The following NOL10 variants were observed in gnomAD, a reference collection of about 807,000 sequenced individuals.
NOL10 encodes nucleolar protein 10, also known as H_NH0074G24.1.
In NOL10, 58 loss-of-function variants were observed where a neutral mutation model predicts 103.5. That is an observed-to-expected ratio of 0.56 (90% confidence interval 0.45 to 0.70). The LOEUF (loss-of-function observed/expected upper bound fraction) is 0.70, where lower values mean the gene tolerates loss of function less well. Ranked by LOEUF, NOL10 falls within the 30% of genes least tolerant of loss-of-function variation. The probability of loss-of-function intolerance (pLI) is 0.00; values close to 1 mark genes in which losing one functional copy is unlikely to be tolerated. For missense variants in NOL10, 763 were observed against 807.3 expected (o/e 0.95, Z 0.67); for synonymous variants, 287 against 282.5 (o/e 1.02, Z -0.16).
intron 13 of NOL10, among the ~76,000 whole-genome samples, chr2:10,636,959 T>G (rs543770168): frequency 6.6e-6 from 1 of 152,174 alleles, no homozygotes; most frequent in East Asian, 1.9e-4. Context: ...CCTAGCACCT[T>G]GGGAGGCCCA....
intron 9 of NOL10, 112 bp downstream of exon 9, chr2:10,662,847 A>G: frequency 1.2e-6 from 1 of 824,662 alleles, no homozygotes; most frequent in Non-Finnish European, 1.9e-6. Context: ...AAAAACAATC[A>G]TGGAAAGTAC....
At chr2:10,619,515 A>G (rs891423796) in intron 13 of NOL10, among the ~76,000 whole-genome samples, 7 of 152,234 alleles carry the variant, frequency 4.6e-5, no homozygotes, top group Admixed American at 1.3e-4. Flanking sequence ...CTCATAAAAC[A>G]TATCTGTTAA....
chr2:10,681,861 GT>G, intron 3 of NOL10, 109 bp downstream of exon 3: 1 of 434,584 alleles, frequency 2.3e-6, no homozygotes, highest in Admixed American at 4.4e-5. Flanking sequence ...ATTTCTGTGT[GT>G]TTGAAATTTT....
intron 3 of NOL10, among the ~76,000 whole-genome samples, chr2:10,676,581 G>C (rs1214490102): frequency 6.6e-6 from 1 of 151,288 alleles, no homozygotes; most frequent in Non-Finnish European, 1.5e-5. Flanking sequence ...GCTGGAGAAT[G>C]ATCCATATAA....
At chr2:10,577,873 C>T in intron 19 of NOL10, 135 bp from the exon 20 acceptor site, 1 of 622,682 alleles carries the variant, frequency 1.6e-6, no homozygotes, top group Non-Finnish European at 2.9e-6. Flanking sequence ...TCATTTAACA[C>T]AATAAATGGA....
intron 19 of NOL10, among the ~76,000 whole-genome samples, chr2:10,587,180 C>CATATAT (rs1558270544): frequency 7.1e-5 from 3 of 42,460 alleles, no homozygotes; most frequent in African/African-American, 3.5e-4. Flanking sequence ...CATATATATA[C>CATATAT]ACATATATAT....
intron 8 of NOL10, among the ~76,000 whole-genome samples, chr2:10,665,333 A>C (rs1410127369): frequency 6.6e-6 from 1 of 152,242 alleles, no homozygotes; most frequent in Non-Finnish European, 1.5e-5. Context: ...ATTTTCTATT[A>C]CCTAAATTTG....
chr2:10,623,009 G>C (rs1309514051), intron 13 of NOL10, among the ~76,000 whole-genome samples: 4 of 151,890 alleles, frequency 2.6e-5, no homozygotes, highest in Non-Finnish European at 5.9e-5. Context: ...ACTCCTTACT[G>C]TCTCTCACAC....
At chr2:10,638,172 C>T (rs1400900615) in intron 13 of NOL10, among the ~76,000 whole-genome samples, 1 of 152,016 alleles carries the variant, frequency 6.6e-6, no homozygotes, top group African/African-American at 2.4e-5. Context: ...TGTAGTCCTA[C>T]CTACTCACAA....
intron 13 of NOL10, among the ~76,000 whole-genome samples, chr2:10,611,610 G>A (rs9679581): frequency 0.59 from 89,943 of 151,984 alleles, 27,627 homozygotes; most frequent in African/African-American, 0.74. Context: ...GTGAGATCCT[G>A]TCTCTACAAA....
intron 13 of NOL10, among the ~76,000 whole-genome samples, chr2:10,638,396 A>AGTAAT (rs70953328): frequency 0.57 from 85,862 of 150,272 alleles, 25,615 homozygotes; most frequent in African/African-American, 0.73. Flanking sequence ...AGCTGGGTGC[A>AGTAAT]GTATTTATTC....
At chr2:10,646,408 A>G (rs575025482) in intron 12 of NOL10, among the ~76,000 whole-genome samples, 1 of 152,374 alleles carries the variant, frequency 6.6e-6, no homozygotes, top group African/African-American at 2.4e-5. Context: ...ACACAAAAAA[A>G]TTCAGACTGG....
In NOL10 at chr2:10,632,086, C is replaced by G. The variant is rs146609106; in HGVS notation, c.1026+12234G>C. Among the ~76,000 whole-genome samples the G allele has an allele frequency of 1.4e-3, 216 of 152,294 alleles. 1 individual carries two copies. The highest frequency in any genetic ancestry group is 5.0e-3 in the African/African-American group (209 of 41,548). On this transcript the variant is annotated intron_variant, in intron 13 of 20. Transcript: ENST00000381685. Reference sequence around the variant, plus strand: ...GCAAACCAGCCATGGTCAAAGTACACAACCATTATCAAAGACGCTCCAAAT... The same window carrying G: ...GCAAACCAGCCATGGTCAAAGTACAGAACCATTATCAAAGACGCTCCAAAT...
At chr2:10,611,914 C>T (rs1393021973) in intron 13 of NOL10, among the ~76,000 whole-genome samples, 1 of 151,990 alleles carries the variant, frequency 6.6e-6, no homozygotes, top group Non-Finnish European at 1.5e-5. Context: ...GACCCTGCTT[C>T]CCTGCTTAAA....
chr2:10,676,072 A>G (rs532395260), intron 3 of NOL10, among the ~76,000 whole-genome samples: 1 of 152,378 alleles, frequency 6.6e-6, no homozygotes, highest in East Asian at 1.9e-4. Flanking sequence ...ATAGAAAACC[A>G]AACAAAATAA....
At chr2:10,580,877 A>G (rs1439995471) in intron 19 of NOL10, among the ~76,000 whole-genome samples, 1 of 152,126 alleles carries the variant, frequency 6.6e-6, no homozygotes, top group Non-Finnish European at 1.5e-5. Context: ...GAGAAGAGTT[A>G]ATTAACTCTA....
chr2:10,622,268 C>A, intron 13 of NOL10: 1 of 441,564 alleles, frequency 2.3e-6, no homozygotes, highest in Admixed American at 2.7e-5. Context: ...ACGTGCTGAC[C>A]AAAATGATAT....
At chr2:10,613,768 G>GT (rs574058018) in intron 13 of NOL10, among the ~76,000 whole-genome samples, 26 of 151,824 alleles carry the variant, frequency 1.7e-4, no homozygotes, top group African/African-American at 5.6e-4. Flanking sequence ...GAATATAAAA[G>GT]TTTTTTTTAC....
intron 13 of NOL10, among the ~76,000 whole-genome samples, chr2:10,630,390 G>C (rs535224484): frequency 6.6e-6 from 1 of 152,156 alleles, no homozygotes; most frequent in African/African-American, 2.4e-5. Context: ...TTTAGATCCA[G>C]CTGTCACCAA....
Sources: allele counts gnomAD v4.1 joint callset (sites outside exome capture counted in the v4.1 genomes callset), GRCh38; gene constraint gnomAD v4.1.1; transcripts MANE v1.5; gene names NCBI Gene and HGNC (gene_info 2026-07-23, HGNC 2026-07-21).